CDH11: variants seen among roughly 807,000 people sequenced by gnomAD.
CDH11 encodes the protein cadherin 11, also known as cadherin-11.
Under a neutral mutation model 67.8 loss-of-function variants are expected in CDH11, and 11 were observed. The ratio of observed to expected loss-of-function variants is 0.16; its 90% confidence interval spans 0.10 to 0.27. The LOEUF (loss-of-function observed/expected upper bound fraction) is 0.27, where lower values mean the gene tolerates loss of function less well. Ranked by LOEUF, CDH11 falls within the 10% of genes least tolerant of loss-of-function variation. CDH11 has a pLI of 1.00. For synonymous variants in CDH11, 419 were observed against 400.0 expected (o/e 1.05, Z -0.57); for missense variants, 847 against 1,031.2 (o/e 0.82, Z 2.45).
At position 64,947,873 on chromosome 16, in the gene CDH11, C is replaced by G. The variant is rs760393368; in HGVS notation, c.2121G>C (p.Gly707=). 17 of 1,613,986 alleles carry G rather than the reference C, an allele frequency of 1.1e-5. No individual in the cohort carries two copies. The highest frequency in any genetic ancestry group is 1.2e-5 in the Non-Finnish European group (14 of 1,180,028). ...KPEYQYMPRP[G]LRPAPNSVDV... ...CCACGCTGTTGGGCGCTGGCCGGAGCCCAGGTCTAGGCATGTACTGATACT... is the reference window on the plus strand; with the variant it reads ...CCACGCTGTTGGGCGCTGGCCGGAGGCCAGGTCTAGGCATGTACTGATACT... Residue 707 remains glycine (G), a synonymous_variant, in exon 13 of 13, where the codon GGG becomes GGC. Transcript: ENST00000268603.
chr16:65,023,464 C>T (rs1475783279), intron 2 of CDH11, among the ~76,000 whole-genome samples: 1 of 152,130 alleles, frequency 6.6e-6, no homozygotes, highest in African/African-American at 2.4e-5. Context: ...CACCTGGGTT[C>T]TTGGCTTCTT....
At chr16:65,070,795 ATAAC>A (rs2074402301) in intron 1 of CDH11, among the ~76,000 whole-genome samples, 1 of 152,228 alleles carries the variant, frequency 6.6e-6, no homozygotes, top group South Asian at 2.1e-4. Flanking sequence ...GTACAAATGA[ATAAC>A]TAAAAATAGG....
At position 65,121,729 on chromosome 16, in the gene CDH11, T is replaced by C. The variant is rs919515100; in HGVS notation, c.-298+151A>G. The C allele has an allele frequency of 2.8e-5, 19 of 670,530 alleles. No homozygotes were observed. In the African/African-American group the frequency reaches 3.0e-4, roughly 11 times the overall value. 41.5% of individuals were successfully genotyped at this position (670,530 alleles called of 1,614,324 possible). On this transcript the variant is annotated intron_variant, in intron 1 of 12. Coordinates refer to ENST00000268603, the MANE Select transcript of CDH11 (RefSeq NM_001797.4). This position sits in a 1 kb window ranked among gnomAD's most constrained non-coding sequence, Gnocchi z 4.1. ...TTTAAACAAATCTCTCCCTCCCTTT[T>C]GCTTTGCGTTAGTGAAGCCTTCTCG...
At chr16:64,993,351 C>T (rs2072681512) in intron 4 of CDH11, among the ~76,000 whole-genome samples, 1 of 152,018 alleles carries the variant, frequency 6.6e-6, no homozygotes, top group Non-Finnish European at 1.5e-5. Context: ...TCTTACAACT[C>T]ATGCACTTGA....
chr16:65,086,645 C>G lies in CDH11; in HGVS notation c.-297-32717G>C, dbSNP rs536435358. Among the ~76,000 whole-genome samples, 6 of 152,330 alleles carry G rather than the reference C, an allele frequency of 3.9e-5. No individual in the cohort carries two copies. In the South Asian group the frequency reaches 1.0e-3, roughly 26 times the overall value. On this transcript the variant is annotated intron_variant, in intron 1 of 12. Coordinates refer to ENST00000268603, the MANE Select transcript of CDH11 (RefSeq NM_001797.4). Reference sequence around the variant, plus strand: ...AAGCTTTAGGTAGCTTCACAGTCACCTGGAAGCTGGTTACAAATGCAGCGT... The same window carrying G: ...AAGCTTTAGGTAGCTTCACAGTCACGTGGAAGCTGGTTACAAATGCAGCGT...
intron 1 of CDH11, among the ~76,000 whole-genome samples, chr16:65,085,620 A>C (rs2074684352): frequency 6.6e-6 from 1 of 152,058 alleles, no homozygotes. Flanking sequence ...CATAGGATAG[A>C]CTGTAGATTC....
chr16:65,004,043 G>A (rs2072988491), intron 3 of CDH11, among the ~76,000 whole-genome samples: 1 of 152,156 alleles, frequency 6.6e-6, no homozygotes, highest in Non-Finnish European at 1.5e-5. Context: ...ATGGCTATGT[G>A]CATTTAATGG....
chr16:65,039,721 A>C (rs1052510904), intron 2 of CDH11, among the ~76,000 whole-genome samples: 4 of 152,314 alleles, frequency 2.6e-5, no homozygotes, highest in East Asian at 1.9e-4. Context: ...GGATCTAATT[A>C]AACTAAAGAG....
intron 12 of CDH11, 57 bp from the exon 13 acceptor site, chr16:64,948,156 T>C (rs2071244933): frequency 6.4e-7 from 1 of 1,560,452 alleles, no homozygotes. Context: ...CCTGGGTTCT[T>C]CTGCCAGAGG....
At position 65,121,941 on chromosome 16, in the gene CDH11, T is replaced by A. The variant is rs1012631027; in HGVS notation, c.-359A>T. ...CCAGTCCCTGGCGCAGGGCAAGCGC[T>A]GCGGTGTCAGTCCCGGCCCCAGTCC... On this transcript the variant is annotated 5_prime_UTR_variant, in exon 1 of 13. Coordinates refer to ENST00000268603, the MANE Select transcript of CDH11 (RefSeq NM_001797.4). The surrounding 1 kb of genome is among the most constrained non-coding windows in gnomAD (Gnocchi z 4.1). The A allele has an allele frequency of 2.9e-6, 2 of 701,710 alleles. No individual in the cohort carries two copies. Among genetic ancestry groups the A allele is most frequent in the South Asian group, 3.0e-5 (2 of 67,570 alleles). The allele number at this position is 701,710 out of a possible 1,614,324, so 43.5% of individuals were successfully genotyped here.
rs191403270 is a variant in CDH11 at position 64,982,651 on chromosome 16, T to C, written c.1000-350A>G. On this transcript the variant is annotated intron_variant, in intron 7 of 12. Transcript: ENST00000268603. ...CAAAAATACATTTGGTACCTCATTCTGAAAACTAAGAATCCTGGTAACAAA... is the reference window on the plus strand; with the variant it reads ...CAAAAATACATTTGGTACCTCATTCCGAAAACTAAGAATCCTGGTAACAAA... 1.9e-4 allele frequency: 35 copies of C among 180,922 alleles called. 1 individual carries two copies. The Admixed American group carries it at 2.0e-3, about 10-fold the overall frequency. 11.2% of individuals were successfully genotyped at this position (180,922 alleles called of 1,614,324 possible).
chr16:65,033,224 A>G (rs922292378), intron 2 of CDH11, among the ~76,000 whole-genome samples: 8 of 142,380 alleles, frequency 5.6e-5, no homozygotes, highest in Non-Finnish European at 9.2e-5. Flanking sequence ...ACACCCCACA[A>G]GTAAACTAGG....
intron 11 of CDH11, among the ~76,000 whole-genome samples, chr16:64,951,930 T>C (rs566278933): frequency 2.6e-5 from 4 of 152,142 alleles, no homozygotes; most frequent in African/African-American, 9.6e-5. Flanking sequence ...GTTGCTCACA[T>C]AACAAAACAC....
At chr16:64,965,255 G>T (rs967584951) in intron 11 of CDH11, among the ~76,000 whole-genome samples, 1 of 149,610 alleles carries the variant, frequency 6.7e-6, no homozygotes, top group Non-Finnish European at 1.5e-5. Context: ...GCTGGCGGGC[G>T]CCTGTAATCC....
chr16:65,023,574 T>C (rs1030083448), intron 2 of CDH11, among the ~76,000 whole-genome samples: 1 of 152,314 alleles, frequency 6.6e-6, no homozygotes, highest in Non-Finnish European at 1.5e-5. Context: ...GGCAGAGCAG[T>C]GGCATGGGCT....
chr16:65,090,474 C>G (rs778517414), intron 1 of CDH11, among the ~76,000 whole-genome samples: 6 of 152,112 alleles, frequency 3.9e-5, no homozygotes, highest in Non-Finnish European at 8.8e-5. Context: ...CCATCTGCAT[C>G]TTGATGATGC....
At chr16:64,963,213 A>G (rs2071719822) in intron 11 of CDH11, among the ~76,000 whole-genome samples, 1 of 152,226 alleles carries the variant, frequency 6.6e-6, no homozygotes, top group African/African-American at 2.4e-5. Flanking sequence ...AAAGTGGACA[A>G]CATTCAAGAA....
Position 65,004,776 on chromosome 16 carries a change from G to T in CDH11, c.94C>A (p.Arg32=). Residue 32 remains arginine (R), a synonymous_variant, in exon 3 of 13, where the codon CGG becomes AGG. Transcript: ENST00000268603. ...TCATGGTGCCCATGGAAGGAGGGCC[G>T]CAGGTGCCCCCGCCGCTCTGGGGCA... ...AFAPERRGHL[R]PSFHGHHEKG... is the part of the protein sequence containing the mutation. The T allele has an allele frequency of 2.5e-6, 4 of 1,591,240 alleles. No individual in the cohort carries two copies. Among genetic ancestry groups the T allele is most frequent in the East Asian group, 4.6e-5 (2 of 43,352 alleles).
Position 64,997,224 on chromosome 16 carries a change from C to T in CDH11, c.523+1338G>A, listed in dbSNP as rs547189832. Among the ~76,000 whole-genome samples, 11 of 151,526 alleles carry T rather than the reference C, an allele frequency of 7.3e-5. No homozygotes were observed. The East Asian group carries it at 7.8e-4, about 11-fold the overall frequency. ...CTGAGGCAGGAGAATTGCTTGAAGC[C>T]GGGAGACAGAGGTTGTAGTGAGCCA... On this transcript the variant is annotated intron_variant, in intron 4 of 12. Transcript: ENST00000268603.
Sources: gnomAD v4.1 joint callset for allele counts (sites outside exome capture counted in the v4.1 genomes callset) on GRCh38, gnomAD v4.1.1 for gene constraint, Gnocchi (gnomAD v3.1) non-coding constraint, MANE v1.5 for transcripts, NCBI Gene and HGNC (gene_info 2026-07-23, HGNC 2026-07-21) for gene names.